Variants in NPAS3 observed in about 807,000 individuals in gnomAD.
NPAS3 encodes the protein neuronal PAS domain protein 3, also known as neuronal PAS domain-containing protein 3.
NPAS3 carries 14 observed loss-of-function variants against 73.1 expected under a neutral mutation model. The observed-to-expected ratio is 0.19, with a 90% CI of 0.13 to 0.30. The LOEUF (loss-of-function observed/expected upper bound fraction) is 0.30, where lower values mean the gene tolerates loss of function less well. Among genes scored for constraint, NPAS3 ranks in the 10% least tolerant of loss-of-function variants. NPAS3 has a pLI of 1.00. For synonymous variants in NPAS3, 620 were observed against 541.5 expected, an observed-to-expected ratio of 1.14 and a Z score of -2.01; for missense variants, 1,096 against 1,250.0, an observed-to-expected ratio of 0.88 and a Z score of 1.86.
At chr14:32,970,915 G>A (rs762075244) in intron 1 of NPAS3, among the ~76,000 whole-genome samples, 2 of 152,010 alleles carry the variant, frequency 1.3e-5, no homozygotes, top group Non-Finnish European at 2.9e-5. Context: ...AGTAGGGACT[G>A]GGGGTTAGAA....
intron 1 of NPAS3, among the ~76,000 whole-genome samples, chr14:33,048,513 C>G (rs1229453111): frequency 6.6e-6 from 1 of 152,242 alleles, no homozygotes; most frequent in Non-Finnish European, 1.5e-5. Context: ...GCCTCCTGAG[C>G]TGCTTTGACT....
intron 5 of NPAS3, among the ~76,000 whole-genome samples, chr14:33,669,989 C>T (rs917352370): frequency 6.6e-6 from 1 of 152,102 alleles, no homozygotes; most frequent in Non-Finnish European, 1.5e-5. Context: ...GATCTCAGCT[C>T]ACTGCAACCT....
At chr14:33,682,633 C>T (rs774381465) in intron 6 of NPAS3, among the ~76,000 whole-genome samples, 16 of 152,280 alleles carry the variant, frequency 1.1e-4, no homozygotes, top group Non-Finnish European at 7.4e-5. Context: ...TCACCTTTAT[C>T]CCCAGCTAAG....
chr14:33,799,865 T>A, exon 12 of NPAS3: 1 of 1,613,980 alleles, frequency 6.2e-7, no homozygotes, highest in Non-Finnish European at 8.5e-7. Flanking sequence ...CGGCCACAGC[T>A]CCAGTAACCC....
At chr14:33,561,842 A>C (rs1000999278) in intron 5 of NPAS3, among the ~76,000 whole-genome samples, 1 of 152,248 alleles carries the variant, frequency 6.6e-6, no homozygotes, top group Non-Finnish European at 1.5e-5. Context: ...CATCCATTAT[A>C]TACTAGCTCA....
intron 1 of NPAS3, among the ~76,000 whole-genome samples, chr14:32,960,393 A>G (rs985981672): frequency 6.6e-6 from 1 of 152,192 alleles, no homozygotes. Flanking sequence ...TTTTAATATA[A>G]AAAGAGTCAT....
At chr14:33,735,086 A>C in intron 6 of NPAS3, 128 bp from the exon 7 acceptor site, 1 of 678,902 alleles carries the variant, frequency 1.5e-6, no homozygotes, top group Non-Finnish European at 2.7e-6. Flanking sequence ...AGGTAAATTG[A>C]TTACTACTGC....
At chr14:33,152,324 T>G (rs1408413799) in intron 2 of NPAS3, among the ~76,000 whole-genome samples, 1 of 152,122 alleles carries the variant, frequency 6.6e-6, no homozygotes, top group East Asian at 1.9e-4. Context: ...ACTTCTCCTC[T>G]TCCTCCCTTT....
downstream of NPAS3, chr14:33,802,811 T>TC (rs2063748235): frequency 6.6e-6 from 1 of 152,222 alleles, no homozygotes; most frequent in African/African-American, 2.4e-5. Flanking sequence ...CTGTGAATCT[T>TC]CCGTTTTACC....
chr14:33,176,723 G>A (rs941403918), intron 2 of NPAS3, among the ~76,000 whole-genome samples: 1 of 152,044 alleles, frequency 6.6e-6, no homozygotes, highest in East Asian at 1.9e-4. Context: ...CCATTATTTT[G>A]AAGATATACC....
At chr14:33,273,499 A>G (rs1373068085) in intron 3 of NPAS3, among the ~76,000 whole-genome samples, 1 of 152,174 alleles carries the variant, frequency 6.6e-6, no homozygotes, top group African/African-American at 2.4e-5. Flanking sequence ...TATTTATTCC[A>G]TCTTGAACAA....
intron 4 of NPAS3, among the ~76,000 whole-genome samples, chr14:33,420,827 A>G (rs2048334548): frequency 6.6e-6 from 1 of 151,934 alleles, no homozygotes; most frequent in Non-Finnish European, 1.5e-5. Flanking sequence ...TTATGTCTAT[A>G]TAGATTCATG....
chr14:33,597,499 T>G (rs2139980147), intron 5 of NPAS3, among the ~76,000 whole-genome samples: 1 of 152,368 alleles, frequency 6.6e-6, no homozygotes, highest in South Asian at 2.1e-4. Flanking sequence ...AAACTAAAAA[T>G]GTCTCATGGC....
chr14:33,268,680 A>C (rs2139999615), intron 3 of NPAS3, among the ~76,000 whole-genome samples: 1 of 152,282 alleles, frequency 6.6e-6, no homozygotes, highest in African/African-American at 2.4e-5. Context: ...AATATACTTG[A>C]CGTAGCCTCT....
chr14:33,760,229 T>C (rs2062240245), intron 7 of NPAS3, among the ~76,000 whole-genome samples: 1 of 152,124 alleles, frequency 6.6e-6, no homozygotes, highest in South Asian at 2.1e-4. Context: ...TCCAACTACT[T>C]GACACCATTT....
intron 3 of NPAS3, among the ~76,000 whole-genome samples, chr14:33,228,523 A>G (rs1035825804): frequency 6.6e-6 from 1 of 152,214 alleles, no homozygotes; most frequent in African/African-American, 2.4e-5. Context: ...ATATAATCTT[A>G]TAGTAGGTTT....
chr14:33,405,673 T>C (rs2047633938), intron 4 of NPAS3, among the ~76,000 whole-genome samples: 1 of 152,074 alleles, frequency 6.6e-6, no homozygotes. Flanking sequence ...GCAAATCCCA[T>C]TTAAAAAAAA....
intron 3 of NPAS3, among the ~76,000 whole-genome samples, chr14:33,252,051 G>GTGTGTC (rs1179819447): frequency 1.2e-5 from 1 of 85,652 alleles, no homozygotes; most frequent in African/African-American, 3.8e-5. Flanking sequence ...TTGCGTGTGT[G>GTGTGTC]TGTGTCTGTG....
intron 4 of NPAS3, among the ~76,000 whole-genome samples, chr14:33,508,241 C>T (rs1467090170): frequency 1.3e-5 from 2 of 152,074 alleles, no homozygotes; most frequent in Non-Finnish European, 2.9e-5. Flanking sequence ...CAACTGCACA[C>T]ACACTGCTTG....
Sources: gnomAD v4.1 joint callset for allele counts (sites outside exome capture counted in the v4.1 genomes callset) on GRCh38, gnomAD v4.1.1 for gene constraint, MANE v1.5 for transcripts, NCBI Gene and HGNC (gene_info 2026-07-23, HGNC 2026-07-21) for gene names.